ZNF385B: variants seen among roughly 807,000 people sequenced by gnomAD.
The protein encoded by ZNF385B is zinc finger protein 385B.
A neutral mutation model predicts 39.2 loss-of-function variants in ZNF385B; 23 were observed. The ratio of observed to expected loss-of-function variants is 0.59; its 90% confidence interval spans 0.42 to 0.83. The LOEUF (loss-of-function observed/expected upper bound fraction) is 0.83. Ranked by LOEUF, ZNF385B falls within the 40% of genes least tolerant of loss-of-function variation. The probability of loss-of-function intolerance (pLI) is 0.00; values close to 1 mark genes in which losing one functional copy is unlikely to be tolerated. For synonymous variants in ZNF385B, 205 were observed against 222.6 expected (o/e 0.92, Z 0.70); for missense variants, 552 against 598.9 (o/e 0.92, Z 0.82).
intron 3 of ZNF385B, among the ~76,000 whole-genome samples, chr2:179,624,053 C>T (rs1226231186): frequency 1.3e-5 from 2 of 152,094 alleles, no homozygotes; most frequent in East Asian, 3.8e-4. Context: ...TAGAACCAGC[C>T]CAAGTACAAC....
intron 3 of ZNF385B, among the ~76,000 whole-genome samples, chr2:179,617,540 T>C (rs1689853141): frequency 6.6e-6 from 1 of 152,158 alleles, no homozygotes; most frequent in Non-Finnish European, 1.5e-5. Flanking sequence ...TGTTTTTCGA[T>C]TTTAGTGTGC....
At chr2:179,823,992 A>C (rs374048704) in intron 1 of ZNF385B, among the ~76,000 whole-genome samples, 13 of 152,274 alleles carry the variant, frequency 8.5e-5, no homozygotes, top group Middle Eastern at 3.4e-3. Flanking sequence ...GTTTGGCTTG[A>C]TCCAGCTGAA....
intron 3 of ZNF385B, chr2:179,576,246 T>C (rs1167359145): frequency 3.3e-6 from 3 of 905,784 alleles, no homozygotes; most frequent in Non-Finnish European, 2.6e-6. Flanking sequence ...CCATCTCCCA[T>C]GCCGCTGCCA....
At chr2:179,810,816 A>G (rs1706686387) in intron 1 of ZNF385B, among the ~76,000 whole-genome samples, 1 of 152,066 alleles carries the variant, frequency 6.6e-6, no homozygotes. Context: ...GTGCATAAAG[A>G]TTAAGTGAGC....
At chr2:179,674,375 T>C (rs1696463822) in intron 3 of ZNF385B, among the ~76,000 whole-genome samples, 1 of 152,204 alleles carries the variant, frequency 6.6e-6, no homozygotes, top group Admixed American at 6.5e-5. Context: ...TTTATGACCT[T>C]TTAAAATAAT....
chr2:179,730,882 C>CTGATTGTCCACAA, intron 3 of ZNF385B, among the ~76,000 whole-genome samples: 1 of 152,338 alleles, frequency 6.6e-6, no homozygotes, highest in African/African-American at 2.4e-5. Flanking sequence ...TTGCCACACA[C>CTGATTGTCCACAA]TGATTGTCCA....
chr2:179,833,546 C>T (rs954489717), intron 1 of ZNF385B, among the ~76,000 whole-genome samples: 3 of 152,094 alleles, frequency 2.0e-5, no homozygotes, highest in Non-Finnish European at 4.4e-5. Context: ...ACTGATACCC[C>T]TTATGCCGTT....
chr2:179,846,246 C>T (rs1708794169), intron 1 of ZNF385B, among the ~76,000 whole-genome samples: 1 of 152,204 alleles, frequency 6.6e-6, no homozygotes, highest in Non-Finnish European at 1.5e-5. Context: ...GAATGTGTTT[C>T]AACAGTCTCA....
chr2:179,788,854 C>T (rs965553358), intron 1 of ZNF385B, among the ~76,000 whole-genome samples: 3 of 152,080 alleles, frequency 2.0e-5, no homozygotes, highest in Admixed American at 6.5e-5. Flanking sequence ...GTCATCACCC[C>T]GCTGCAAGTT....
chr2:179,592,270 TAA>T (rs1392215922), intron 3 of ZNF385B, among the ~76,000 whole-genome samples: 2 of 152,100 alleles, frequency 1.3e-5, no homozygotes, highest in Non-Finnish European at 2.9e-5. Context: ...CAGGCAAATA[TAA>T]AGTCTATTTG....
At chr2:179,710,491 T>A (rs2106382482) in intron 3 of ZNF385B, among the ~76,000 whole-genome samples, 1 of 152,290 alleles carries the variant, frequency 6.6e-6, no homozygotes, top group Middle Eastern at 3.4e-3. Flanking sequence ...TGAATGTTAG[T>A]CCTCCCTTGT....
intron 3 of ZNF385B, among the ~76,000 whole-genome samples, chr2:179,679,718 T>C (rs971286667): frequency 6.6e-6 from 1 of 152,106 alleles, no homozygotes; most frequent in African/African-American, 2.4e-5. Flanking sequence ...CTAAGTCAGG[T>C]GAATCACCTC....
intron 3 of ZNF385B, among the ~76,000 whole-genome samples, chr2:179,670,013 C>G (rs113124506): frequency 1.3e-5 from 2 of 151,972 alleles, no homozygotes; most frequent in South Asian, 2.1e-4. Flanking sequence ...TGGTGCTGGC[C>G]GGGCGCGGTG....
At chr2:179,565,754 T>C (rs1326475134) in intron 3 of ZNF385B, among the ~76,000 whole-genome samples, 1 of 152,240 alleles carries the variant, frequency 6.6e-6, no homozygotes, top group African/African-American at 2.4e-5. Context: ...GATTTTCAAG[T>C]GACATTTTAA....
chr2:179,843,838 C>T (rs1203414573), intron 1 of ZNF385B, among the ~76,000 whole-genome samples: 1 of 152,190 alleles, frequency 6.6e-6, no homozygotes, highest in African/African-American at 2.4e-5. Context: ...TAAAGTCAGG[C>T]TGGTTTCACC....
chr2:179,536,824 A>C (rs187156374), intron 4 of ZNF385B, among the ~76,000 whole-genome samples: 31 of 152,314 alleles, frequency 2.0e-4, no homozygotes, highest in African/African-American at 7.2e-4. Flanking sequence ...AAGAGAAAAA[A>C]ATGTGACTAT....
chr2:179,471,194 C>T (rs1028179), intron 6 of ZNF385B, among the ~76,000 whole-genome samples: 27,457 of 152,088 alleles, frequency 0.18, 3,074 homozygotes, highest in East Asian at 0.36. Flanking sequence ...ATAGATATGA[C>T]GTTGCATTGC....
chr2:179,580,652 C>T (rs1314523466), intron 3 of ZNF385B, among the ~76,000 whole-genome samples: 1 of 152,150 alleles, frequency 6.6e-6, no homozygotes, highest in Non-Finnish European at 1.5e-5. Flanking sequence ...AACATTGGAG[C>T]ACACAGTGAG....
intron 6 of ZNF385B, among the ~76,000 whole-genome samples, chr2:179,470,477 T>C (rs2176469): frequency 0.053 from 8,143 of 152,218 alleles, 473 homozygotes; most frequent in African/African-American, 0.14. Flanking sequence ...CTTTGTGATA[T>C]GGTTTGGCCC....
Sources: allele counts gnomAD v4.1 joint callset (sites outside exome capture counted in the v4.1 genomes callset), GRCh38; gene constraint gnomAD v4.1.1; transcripts MANE v1.5; gene names NCBI Gene and HGNC (gene_info 2026-07-23, HGNC 2026-07-21).